RARS2: variants seen among roughly 807,000 people sequenced by gnomAD.
The protein encoded by RARS2 is arginyl-tRNA synthetase 2, mitochondrial.
RARS2 carries 67 observed loss-of-function variants against 88.5 expected under a neutral mutation model. The observed-to-expected ratio is 0.76, with a 90% CI of 0.62 to 0.93. RARS2 has a LOEUF of 0.93. Among genes scored for constraint, RARS2 ranks in the 40% least tolerant of loss-of-function variants. The pLI, the probability that RARS2 is intolerant of heterozygous loss-of-function variation, is 0.00. For missense variants in RARS2, 664 were observed against 684.2 expected, an observed-to-expected ratio of 0.97 and a Z score of 0.33; for synonymous variants, 239 against 230.3, an observed-to-expected ratio of 1.04 and a Z score of -0.34.
chr6:87,564,011 AC>A, intron 3 of RARS2, 118 bp downstream of exon 3: 1 of 766,922 alleles, frequency 1.3e-6, no homozygotes, highest in East Asian at 2.7e-5. Context: ...ATTATATTAC[AC>A]AAGATGCCTC....
intron 18 of RARS2, among the ~76,000 whole-genome samples, chr6:87,515,241 G>A (rs147057590): frequency 7.2e-5 from 11 of 152,300 alleles, no homozygotes; most frequent in African/African-American, 2.4e-4. Flanking sequence ...TTATGATTTC[G>A]CAGGGCGCAG....
intron 8 of RARS2, among the ~76,000 whole-genome samples, chr6:87,535,468 T>C (rs1778826002): frequency 6.6e-6 from 1 of 152,096 alleles, no homozygotes; most frequent in Non-Finnish European, 1.5e-5. Context: ...CCTACTGATA[T>C]GGGGAAGCTC....
At position 87,534,182 on chromosome 6, in the gene RARS2, ATAAT is replaced by A. The variant is rs568666027; in HGVS notation, c.613-3244_613-3241del. The stretch of plus-strand genomic sequence containing the variant: ...ATTAAAGACATTCAAATGTGTTTAT[ATAAT>A]TAAAATTGAATGTATCAATACTGCA... On this transcript the variant is annotated intron_variant, in intron 8 of 19. Transcript: ENST00000369536. Among the ~76,000 whole-genome samples the A allele has an allele frequency of 6.6e-4, 100 of 152,362 alleles. 1 individual carries two copies. Among genetic ancestry groups the A allele is most frequent in the African/African-American group, 2.4e-3 (99 of 41,598 alleles).
chr6:87,514,638 A>G (rs1369093446), intron 19 of RARS2, 139 bp from the exon 20 acceptor site: 4 of 786,466 alleles, frequency 5.1e-6, no homozygotes, highest in East Asian at 2.7e-5. Flanking sequence ...ACTATAGGCA[A>G]GAGAAGATAA....
intron 10 of RARS2, among the ~76,000 whole-genome samples, chr6:87,528,218 C>T (rs1776365788): frequency 6.9e-6 from 1 of 145,892 alleles, no homozygotes; most frequent in African/African-American, 2.6e-5. Flanking sequence ...TATTTCTTCA[C>T]ACTTGTTAAG....
intron 11 of RARS2, among the ~76,000 whole-genome samples, chr6:87,522,277 C>T (rs755255920): frequency 2.8e-5 from 4 of 141,548 alleles, no homozygotes; most frequent in East Asian, 4.2e-4. Flanking sequence ...TTACAGTGAG[C>T]GAAGATCGCA....
Position 87,589,901 on chromosome 6 carries a change from TGC to T in RARS2, c.36+19_36+20del, listed in dbSNP as rs1562299539. On this transcript the variant is annotated intron_variant, in intron 1 of 19. Transcript: ENST00000369536. ...GTCCCTAGCTCCTCAGGGACTCCTC[TGC>T]GCGCTCCGGGATCCATACCTGGCAA... is the stretch of plus-strand genomic sequence containing the variant. 1 of 1,613,420 alleles carries T rather than the reference TGC, an allele frequency of 6.2e-7. No individual in the cohort carries two copies. Among genetic ancestry groups the T allele is most frequent in the Non-Finnish European group, 8.5e-7 (1 of 1,179,712 alleles).
intron 4 of RARS2, among the ~76,000 whole-genome samples, chr6:87,561,053 CATT>C (rs1421124179): frequency 2.0e-5 from 3 of 152,116 alleles, no homozygotes; most frequent in Non-Finnish European, 4.4e-5. Context: ...TACTTTTAAT[CATT>C]ATTTTAGAGT....
chr6:87,527,451 C>A (rs9444513), intron 10 of RARS2, among the ~76,000 whole-genome samples: 47,240 of 152,038 alleles, frequency 0.31, 7,464 homozygotes, highest in Admixed American at 0.41. Context: ...AAATCTAAGA[C>A]CTGAGCTGTA....
At chr6:87,517,774 G>C (rs1772308113) in intron 17 of RARS2, among the ~76,000 whole-genome samples, 1 of 152,148 alleles carries the variant, frequency 6.6e-6, no homozygotes, top group Non-Finnish European at 1.5e-5. Flanking sequence ...CCGAAACCAA[G>C]AGGCAAATGA....
intron 5 of RARS2, 27 bp from the exon 6 acceptor site, chr6:87,548,673 CTATTCTA>C: frequency 6.2e-7 from 1 of 1,601,582 alleles, no homozygotes; most frequent in Non-Finnish European, 8.5e-7. Context: ...AAACATTTCT[CTATTCTA>C]AGACTTAAGA....
chr6:87,539,058 G>GAATAAATAAATAAATAAATAAATA (rs71018032), intron 8 of RARS2, among the ~76,000 whole-genome samples: 19 of 150,556 alleles, frequency 1.3e-4, no homozygotes, highest in African/African-American at 4.6e-4. Context: ...ATAAATAAAT[G>GAATAAATAAATAAATAAATAAATA]AATAAATAAA....
intron 1 of RARS2, among the ~76,000 whole-genome samples, chr6:87,577,097 G>C (rs932573663): frequency 3.2e-4 from 48 of 152,134 alleles, no homozygotes; most frequent in African/African-American, 1.1e-3. Flanking sequence ...ATTGCCCTAC[G>C]CATTTGCATC....
chr6:87,568,936 T>C (rs1768782051), intron 2 of RARS2, among the ~76,000 whole-genome samples: 1 of 152,210 alleles, frequency 6.6e-6, no homozygotes, highest in South Asian at 2.1e-4. Context: ...GTATTGAAGT[T>C]TTCTACCCAA....
intron 7 of RARS2, among the ~76,000 whole-genome samples, chr6:87,544,290 C>T (rs1483699914): frequency 6.6e-6 from 1 of 152,216 alleles, no homozygotes; most frequent in Non-Finnish European, 1.5e-5. Flanking sequence ...AAATGCAGGG[C>T]ATGTATTCTG....
intron 17 of RARS2, 35 bp from the exon 18 acceptor site, chr6:87,516,915 CTG>C (rs778676312): frequency 3.7e-6 from 6 of 1,612,298 alleles, no homozygotes; most frequent in Admixed American, 3.3e-5. Flanking sequence ...CAGGAAAAGA[CTG>C]TACACATTAC....
At chr6:87,519,006 A>G in intron 14 of RARS2, 115 bp from the exon 15 acceptor site, 1 of 1,012,382 alleles carries the variant, frequency 9.9e-7, no homozygotes, top group Admixed American at 1.8e-5. Context: ...CAGATTCAGA[A>G]TGAGTAATTA....
At position 87,589,944 on chromosome 6, in the gene RARS2, A is replaced by G; in HGVS notation, c.14T>C (p.Phe5Ser). The change falls in exon 1 of 20, where the codon TTT (phenylalanine) becomes TCT (serine). Residue 5 changes from phenylalanine (F) to serine (S), a missense_variant. Phe to Ser is a radical substitution (Grantham distance 155). Coordinates refer to ENST00000369536, the MANE Select transcript of RARS2 (RefSeq NM_020320.5). ...TACCTGGCAAGCAATAGCGCGGCGA[A>G]AGCCGCACGCCATGTCCACCTCTAC... MACG[F>S]RRAIACQLSR... 1.2e-6 allele frequency: 2 copies of G among 1,614,162 alleles called. No individual in the cohort carries two copies. The highest frequency in any genetic ancestry group is 1.7e-6 in the Non-Finnish European group (2 of 1,180,026).
intron 1 of RARS2, among the ~76,000 whole-genome samples, chr6:87,587,821 G>A (rs927767694): frequency 6.6e-6 from 1 of 152,104 alleles, no homozygotes; most frequent in Non-Finnish European, 1.5e-5. Flanking sequence ...CCCCCAGGCT[G>A]AAGTGCAGCG....
Sources: gnomAD v4.1 joint callset for allele counts (sites outside exome capture counted in the v4.1 genomes callset) on GRCh38, gnomAD v4.1.1 for gene constraint, MANE v1.5 for transcripts, NCBI Gene and HGNC (gene_info 2026-07-23, HGNC 2026-07-21) for gene names.